The following NECTIN2 variants were observed in gnomAD, a reference collection of about 807,000 sequenced individuals.
NECTIN2 encodes nectin-2.
Under a neutral mutation model 56.9 loss-of-function variants are expected in NECTIN2, and 23 were observed. That is an observed-to-expected ratio of 0.40 (90% CI 0.29 to 0.57). NECTIN2 has a LOEUF of 0.57. Ranked by LOEUF, NECTIN2 falls within the 20% of genes least tolerant of loss-of-function variation. The pLI, the probability that NECTIN2 is intolerant of heterozygous loss-of-function variation, is 0.38. For missense variants in NECTIN2, 587 were observed against 718.3 expected (o/e 0.82, Z 2.09); for synonymous variants, 302 against 313.8 (o/e 0.96, Z 0.40).
At chr19:44,882,851 G>A (rs1316895076) in intron 6 of NECTIN2, among the ~76,000 whole-genome samples, 2 of 150,330 alleles carry the variant, frequency 1.3e-5, no homozygotes, top group African/African-American at 2.5e-5. Flanking sequence ...ATGCAATCTC[G>A]GCTCACTGCA....
intron 2 of NECTIN2, among the ~76,000 whole-genome samples, chr19:44,867,690 A>G (rs1294198596): frequency 3.9e-5 from 6 of 152,126 alleles, no homozygotes; most frequent in African/African-American, 1.4e-4. Context: ...GGCGCGTTCC[A>G]GGAATGGAAA....
chr19:44,887,648 C>T (rs999528894), intron 8 of NECTIN2, among the ~76,000 whole-genome samples: 52 of 151,086 alleles, frequency 3.4e-4, no homozygotes, highest in African/African-American at 1.3e-3. Context: ...TCCGTCTCAA[C>T]AACAAAAAAA....
In NECTIN2 at chr19:44,888,684, C is replaced by G. The variant is rs145067941; in HGVS notation, c.*305C>G. The stretch of plus-strand genomic sequence containing the variant: ...GACCTTAGACCATACCTCTCACCCC[C>G]CAATGCCTCGACTCCCCCAAAATCA... On this transcript the variant is annotated 3_prime_UTR_variant, in exon 9 of 9. Coordinates refer to ENST00000252483, the MANE Select transcript of NECTIN2 (RefSeq NM_001042724.2). 2.9e-5 allele frequency: 11 copies of G among 384,246 alleles called. No individual in the cohort carries two copies. The highest frequency in any genetic ancestry group is 1.5e-4 in the South Asian group (3 of 19,966). The allele number at this position is 384,246 out of a possible 1,614,324, so 23.8% of individuals were successfully genotyped here.
chr19:44,849,744 C>A (rs1005218085), intron 1 of NECTIN2, among the ~76,000 whole-genome samples: 1 of 152,070 alleles, frequency 6.6e-6, no homozygotes, highest in Non-Finnish European at 1.5e-5. Flanking sequence ...AGGCAGAGAG[C>A]CAGGTTCCAG....
At chr19:44,886,340 G>A in intron 8 of NECTIN2, 121 bp downstream of exon 8, 1 of 777,892 alleles carries the variant, frequency 1.3e-6, no homozygotes. Flanking sequence ...TGTGTCCCCG[G>A]TTGGTGCTTA....
chr19:44,871,702 A>T, intron 2 of NECTIN2, 151 bp from the exon 3 acceptor site: 1 of 847,920 alleles, frequency 1.2e-6, no homozygotes, highest in Non-Finnish European at 1.8e-6. Flanking sequence ...CAGAGTTGCA[A>T]AACCACTTAT....
intron 3 of NECTIN2, 53 bp from the exon 4 acceptor site, chr19:44,873,863 C>T (rs1969205064): frequency 7.2e-7 from 1 of 1,393,570 alleles, no homozygotes. Flanking sequence ...CTAACTTGTC[C>T]ACCCGCTCTG....
chr19:44,885,961 G>A lies in NECTIN2; in HGVS notation c.1221G>A (p.Lys407=). ...GCCTGGAGGGACCTCCCTCCTACAAGCCACCGACCCCAAAAGCGAAGCTGG... is the reference window on the plus strand; with the variant it reads ...GCCTGGAGGGACCTCCCTCCTACAAACCACCGACCCCAAAAGCGAAGCTGG... The part of the protein sequence containing the change: ...DEDLEGPPSY[K]PPTPKAKLEA... The change falls in exon 7 of 9, where the codon AAG becomes AAA. Residue 407 remains lysine, a synonymous_variant. Coordinates refer to ENST00000252483, the MANE Select transcript of NECTIN2 (RefSeq NM_001042724.2). The A allele has an allele frequency of 6.2e-7, 1 of 1,600,594 alleles. No individual in the cohort carries two copies. Among genetic ancestry groups the A allele is most frequent in the Non-Finnish European group, 8.6e-7 (1 of 1,167,802 alleles).
intron 5 of NECTIN2, among the ~76,000 whole-genome samples, chr19:44,877,687 G>T (rs1969255332): frequency 1.3e-5 from 2 of 152,210 alleles, no homozygotes; most frequent in Non-Finnish European, 2.9e-5. Context: ...GAGGGGGTGT[G>T]GCCCCCAAGC....
intron 8 of NECTIN2, among the ~76,000 whole-genome samples, chr19:44,886,449 G>A (rs867404823): frequency 9.2e-5 from 14 of 152,208 alleles, no homozygotes; most frequent in South Asian, 4.1e-4. Context: ...GGCTGGGCAC[G>A]GTGGCTCACG....
intron 2 of NECTIN2, among the ~76,000 whole-genome samples, chr19:44,871,169 T>C (rs1218415205): frequency 5.3e-5 from 8 of 152,044 alleles, no homozygotes; most frequent in Middle Eastern, 3.4e-3. Context: ...CCCGACCAGC[T>C]TTTTTTTAAA....
At chr19:44,886,055 C>T in intron 7 of NECTIN2, 55 bp downstream of exon 7, 1 of 1,569,256 alleles carries the variant, frequency 6.4e-7, no homozygotes, top group Non-Finnish European at 8.8e-7. Flanking sequence ...CACCCCAGGG[C>T]TGGGAGGGGC....
chr19:44,853,664 T>C (rs1968928988), intron 1 of NECTIN2, among the ~76,000 whole-genome samples: 1 of 151,770 alleles, frequency 6.6e-6, no homozygotes, highest in South Asian at 2.1e-4. Context: ...AATTTTTGTA[T>C]TTTTAGTAGA....
At chr19:44,885,727 G>A (rs994557767) in intron 6 of NECTIN2, among the ~76,000 whole-genome samples, 1 of 152,162 alleles carries the variant, frequency 6.6e-6, no homozygotes, top group Non-Finnish European at 1.5e-5. Context: ...AGGTATGTCC[G>A]TGTAACAGGA....
intron 7 of NECTIN2, 36 bp from the exon 8 acceptor site, chr19:44,886,097 G>C (rs747073019): frequency 2.8e-5 from 45 of 1,581,524 alleles, no homozygotes; most frequent in Non-Finnish European, 3.9e-5. Flanking sequence ...GGTGGTGGGG[G>C]CAGTTCCTGA....
At chr19:44,861,634 T>C (rs1969032516) in intron 1 of NECTIN2, among the ~76,000 whole-genome samples, 1 of 152,112 alleles carries the variant, frequency 6.6e-6, no homozygotes, top group Admixed American at 6.6e-5. Flanking sequence ...ATCCAGAACC[T>C]ACAAGGAATT....
chr19:44,864,978 T>C (rs1969080102), intron 1 of NECTIN2, among the ~76,000 whole-genome samples: 1 of 152,206 alleles, frequency 6.6e-6, no homozygotes, highest in Non-Finnish European at 1.5e-5. Context: ...GGAAAAATAG[T>C]GTGTGCACAG....
chr19:44,878,241 C>T (rs1969263287), intron 5 of NECTIN2: 2 of 777,826 alleles, frequency 2.6e-6, no homozygotes, highest in Non-Finnish European at 4.3e-6. Flanking sequence ...AGGGCCTCGC[C>T]CCGAGATGTG....
intron 1 of NECTIN2, among the ~76,000 whole-genome samples, chr19:44,860,683 C>G (rs1213929560): frequency 1.3e-5 from 2 of 151,698 alleles, no homozygotes; most frequent in Non-Finnish European, 2.9e-5. Flanking sequence ...ATCACCCAAG[C>G]TGGAGTGCAG....
Sources: allele counts gnomAD v4.1 joint callset (sites outside exome capture counted in the v4.1 genomes callset), GRCh38; gene constraint gnomAD v4.1.1; transcripts MANE v1.5; gene names NCBI Gene and HGNC (gene_info 2026-07-23, HGNC 2026-07-21).